ARNT2: variants seen among roughly 807,000 people sequenced by gnomAD.
ARNT2 encodes aryl hydrocarbon receptor nuclear translocator 2.
ARNT2 carries 36 observed loss-of-function variants against 91.7 expected under a neutral mutation model. The observed-to-expected ratio is 0.39, with a 90% CI of 0.30 to 0.52. The LOEUF (loss-of-function observed/expected upper bound fraction) is 0.52, where lower values mean the gene tolerates loss of function less well. Ranked by LOEUF, ARNT2 falls within the 20% of genes least tolerant of loss-of-function variation. The pLI, the probability that ARNT2 is intolerant of heterozygous loss-of-function variation, is 0.72. For synonymous variants in ARNT2, 365 were observed against 347.1 expected, an observed-to-expected ratio of 1.05 and a Z score of -0.57; for missense variants, 775 against 939.3, an observed-to-expected ratio of 0.83 and a Z score of 2.29.
chr15:80,507,119 G>C (rs1373889096), intron 5 of ARNT2, among the ~76,000 whole-genome samples: 1 of 152,170 alleles, frequency 6.6e-6, no homozygotes, highest in Non-Finnish European at 1.5e-5. Context: ...GGCCAGAGAA[G>C]ATCTTTTGCT....
At chr15:80,556,183 C>A (rs951648448) in intron 11 of ARNT2, 8 of 152,354 alleles carry the variant, frequency 5.3e-5, no homozygotes, top group African/African-American at 1.9e-4. Flanking sequence ...ACTCTGTAGG[C>A]TGAGGCAAGA....
At chr15:80,510,350 A>G (rs1176738796) in intron 6 of ARNT2, among the ~76,000 whole-genome samples, 1 of 152,180 alleles carries the variant, frequency 6.6e-6, no homozygotes, top group East Asian at 1.9e-4. Flanking sequence ...CAAATTTACA[A>G]TAAAAAAACA....
chr15:80,457,482 T>C (rs1374216211), intron 2 of ARNT2, among the ~76,000 whole-genome samples: 5 of 152,232 alleles, frequency 3.3e-5, no homozygotes. Context: ...CAAAATCCCG[T>C]GAGCCTTTTT....
intron 12 of ARNT2, 108 bp from the exon 13 acceptor site, chr15:80,574,040 C>A: frequency 1.2e-6 from 1 of 820,232 alleles, no homozygotes. Flanking sequence ...TGTAGAGATC[C>A]ATCGGATATC....
At position 80,581,753 on chromosome 15, in the gene ARNT2, T is replaced by C. The variant is rs74027857; in HGVS notation, c.1918+349T>C. 3.3e-3 allele frequency among the ~76,000 whole-genome samples: 508 copies of C among 152,358 alleles called. 2 individuals are homozygous for C. Among genetic ancestry groups the C allele is most frequent in the African/African-American group, 0.012 (480 of 41,582 alleles). ...AGTCTTGTTTCAAGAAACTAGAGAA[T>C]AGCTATAGAGACAATCAATTGCATA... is the stretch of plus-strand genomic sequence containing the variant. On this transcript the variant is annotated intron_variant, in intron 17 of 18. Transcript: ENST00000303329.
chr15:80,501,077 A>G (rs1897186574), intron 5 of ARNT2, among the ~76,000 whole-genome samples: 1 of 152,204 alleles, frequency 6.6e-6, no homozygotes, highest in South Asian at 2.1e-4. Context: ...TTAGAGGCAG[A>G]GTAGGGTTTG....
intron 5 of ARNT2, among the ~76,000 whole-genome samples, chr15:80,504,409 T>C (rs1041759123): frequency 6.6e-6 from 1 of 152,346 alleles, no homozygotes; most frequent in South Asian, 2.1e-4. Flanking sequence ...CTCTCACATA[T>C]TGTCCGGGCT....
intron 11 of ARNT2, among the ~76,000 whole-genome samples, chr15:80,558,304 C>T (rs571417840): frequency 2.8e-4 from 42 of 151,098 alleles, no homozygotes; most frequent in Admixed American, 4.6e-4. Flanking sequence ...AACCTGACCT[C>T]CCTGTGGGCA....
intron 6 of ARNT2, among the ~76,000 whole-genome samples, chr15:80,511,771 G>T (rs1897346399): frequency 6.6e-6 from 1 of 152,124 alleles, no homozygotes; most frequent in African/African-American, 2.4e-5. Flanking sequence ...GGAAGAACCA[G>T]CAAAGGAGAC....
intron 8 of ARNT2, among the ~76,000 whole-genome samples, chr15:80,542,339 C>T (rs755054380): frequency 2.0e-5 from 3 of 152,146 alleles, no homozygotes; most frequent in Non-Finnish European, 2.9e-5. Flanking sequence ...TATCTTAGGG[C>T]CCCCATCAAG....
intron 14 of ARNT2, among the ~76,000 whole-genome samples, chr15:80,575,421 C>A (rs1040147938): frequency 2.6e-5 from 4 of 152,104 alleles, no homozygotes; most frequent in Admixed American, 6.5e-5. Flanking sequence ...ACTGGGAGGG[C>A]ACTGCAGAGA....
intron 11 of ARNT2, 61 bp from the exon 12 acceptor site, chr15:80,563,027 C>T: frequency 6.3e-7 from 1 of 1,594,822 alleles, no homozygotes; most frequent in South Asian, 1.1e-5. Flanking sequence ...GCAGCTTCTC[C>T]CTCCTCCCGT....
chr15:80,579,220 G>C (rs1898746003), intron 15 of ARNT2, among the ~76,000 whole-genome samples: 1 of 152,224 alleles, frequency 6.6e-6, no homozygotes, highest in Non-Finnish European at 1.5e-5. Flanking sequence ...TGTGGAGAGG[G>C]TCCTACTAGA....
intron 5 of ARNT2, among the ~76,000 whole-genome samples, chr15:80,499,075 G>A (rs1439933063): frequency 6.6e-6 from 1 of 152,240 alleles, no homozygotes; most frequent in Admixed American, 6.5e-5. Flanking sequence ...GGCTATAGAG[G>A]AGGGGGCATT....
At chr15:80,462,340 G>A (rs943491129) in intron 3 of ARNT2, among the ~76,000 whole-genome samples, 2 of 152,202 alleles carry the variant, frequency 1.3e-5, no homozygotes, top group African/African-American at 4.8e-5. Context: ...CATCAACAGA[G>A]TCAAAATTAT....
chr15:80,530,807 A>G (rs1897727511), intron 8 of ARNT2, among the ~76,000 whole-genome samples: 1 of 152,324 alleles, frequency 6.6e-6, no homozygotes, highest in South Asian at 2.1e-4. Flanking sequence ...AGTACTCCCC[A>G]AAATATCTTC....
intron 2 of ARNT2, among the ~76,000 whole-genome samples, chr15:80,453,987 T>C (rs1304762952): frequency 6.6e-6 from 1 of 152,208 alleles, no homozygotes; most frequent in Non-Finnish European, 1.5e-5. Flanking sequence ...TGTCTTGCAG[T>C]TGGGATCCTC....
intron 5 of ARNT2, among the ~76,000 whole-genome samples, chr15:80,498,005 G>A (rs973563253): frequency 1.3e-5 from 2 of 152,186 alleles, no homozygotes; most frequent in Admixed American, 1.3e-4. Context: ...TCCTAGTGTC[G>A]TGGTGGCCCT....
chr15:80,585,397 A>AT (rs1184609503), intron 17 of ARNT2, among the ~76,000 whole-genome samples: 6 of 152,192 alleles, frequency 3.9e-5, no homozygotes, highest in Admixed American at 3.9e-4. Flanking sequence ...AAATTTAAAG[A>AT]TTTTGTGACT....
Sources: gnomAD v4.1 joint callset for allele counts (sites outside exome capture counted in the v4.1 genomes callset) on GRCh38, gnomAD v4.1.1 for gene constraint, MANE v1.5 for transcripts, NCBI Gene and HGNC (gene_info 2026-07-23, HGNC 2026-07-21) for gene names.